The following KIFBP variants were observed in gnomAD, a reference collection of about 807,000 sequenced individuals.
KIFBP encodes kinesin family binding protein, also known as KIF-binding protein.
In KIFBP, 46 loss-of-function variants were observed where a neutral mutation model predicts 58.9. The observed-to-expected ratio is 0.78, with a 90% CI of 0.62 to 1.00. The LOEUF (loss-of-function observed/expected upper bound fraction) is 1.00, where lower values mean the gene tolerates loss of function less well. KIFBP is among the 50% of genes least tolerant of loss of function. The pLI, the probability that KIFBP is intolerant of heterozygous loss-of-function variation, is 0.00. For synonymous variants in KIFBP, 241 were observed against 283.4 expected (o/e 0.85, Z 1.50); for missense variants, 651 against 752.9 (o/e 0.86, Z 1.58).
intron 4 of KIFBP, among the ~76,000 whole-genome samples, 181 bp from the exon 5 acceptor site, chr10:69,008,660 C>T (rs1037115371): frequency 6.6e-6 from 1 of 151,868 alleles, no homozygotes; most frequent in Non-Finnish European, 1.5e-5. Context: ...TACATTTTAA[C>T]CAGATAATAT....
intron 1 of KIFBP, among the ~76,000 whole-genome samples, chr10:68,992,795 C>T (rs1843363932): frequency 6.6e-6 from 1 of 151,970 alleles, no homozygotes; most frequent in Non-Finnish European, 1.5e-5. Flanking sequence ...CTCTGATGGT[C>T]TCTTTTTGTT....
At chr10:69,014,031 G>T (rs996276082) in intron 6 of KIFBP, among the ~76,000 whole-genome samples, 2 of 152,170 alleles carry the variant, frequency 1.3e-5, no homozygotes, top group African/African-American at 4.8e-5. Context: ...GATTACAGGT[G>T]TGAGCCACTG....
intron 4 of KIFBP, among the ~76,000 whole-genome samples, chr10:69,008,564 A>C (rs1262362354): frequency 6.6e-6 from 1 of 151,238 alleles, no homozygotes; most frequent in African/African-American, 2.4e-5. Flanking sequence ...GTATAAGGAG[A>C]GCTAACTTTC....
chr10:69,015,868 A>G lies in KIFBP; in HGVS notation c.1318A>G (p.Met440Val), dbSNP rs1402651253. Residue 440 changes from methionine (M) to valine (V), a missense_variant, in exon 7 of 7, where the codon ATG (methionine) becomes GTG (valine). Physicochemically the swap from Met to Val is conservative, Grantham distance 21. Transcript: ENST00000361983. ...FKVLAFFETD[M>V]ERRCKMHKRR... is the part of the protein sequence containing the mutation. ...GGTGCTTGCATTCTTTGAAACTGAC[A>G]TGGAGAGACGGTGCAAGATGCATAA... 3.1e-6 allele frequency: 5 copies of G among 1,614,194 alleles called. No homozygotes were observed. The South Asian group carries it at 3.3e-5, about 11-fold the overall frequency.
At chr10:69,007,896 A>C (rs1843551091) in intron 4 of KIFBP, 1 of 152,174 alleles carries the variant, frequency 6.6e-6, no homozygotes, top group Non-Finnish European at 1.5e-5. Context: ...GATCTTCTCT[A>C]ATTGTTTGAG....
intron 1 of KIFBP, among the ~76,000 whole-genome samples, chr10:68,996,696 T>TA (rs1221566246): frequency 6.7e-6 from 1 of 150,150 alleles, no homozygotes; most frequent in Non-Finnish European, 1.5e-5. Context: ...CTATTAAAAA[T>TA]ACAAAAATTA....
chr10:69,014,822 CTGATA>C (rs947878958), intron 6 of KIFBP, among the ~76,000 whole-genome samples: 1 of 151,052 alleles, frequency 6.6e-6, no homozygotes, highest in African/African-American at 2.4e-5. Flanking sequence ...GCATTTCTGT[CTGATA>C]TATTTCACTA....
chr10:69,008,391 A>AAAATATATATATATATATATATATATAT, intron 4 of KIFBP, among the ~76,000 whole-genome samples: 1 of 71,588 alleles, frequency 1.4e-5, no homozygotes, highest in Admixed American at 1.8e-4. Context: ...AAAAAAAAAA[A>AAAATATATATATATATATATATATATAT]ATATATATAT....
chr10:68,993,415 C>G (rs1198487091), intron 1 of KIFBP, among the ~76,000 whole-genome samples: 1 of 152,140 alleles, frequency 6.6e-6, no homozygotes, highest in East Asian at 1.9e-4. Flanking sequence ...TTGCCCCTCA[C>G]TAATTGTTCA....
intron 1 of KIFBP, among the ~76,000 whole-genome samples, chr10:68,992,765 G>T (rs1019868298): frequency 6.6e-6 from 1 of 152,182 alleles, no homozygotes; most frequent in African/African-American, 2.4e-5. Context: ...GCATAGATGA[G>T]TTATGAGGGC....
chr10:69,009,041 C>T, intron 5 of KIFBP, 116 bp downstream of exon 5: 1 of 761,908 alleles, frequency 1.3e-6, no homozygotes, highest in Non-Finnish European at 2.3e-6. Flanking sequence ...CTTCTAAATG[C>T]ACCAATTTTT....
intron 1 of KIFBP, among the ~76,000 whole-genome samples, chr10:68,994,938 A>G (rs1843389738): frequency 6.6e-6 from 1 of 151,612 alleles, no homozygotes; most frequent in African/African-American, 2.4e-5. Context: ...GGGTCTTACT[A>G]TGTTGCCTAG....
intron 1 of KIFBP, among the ~76,000 whole-genome samples, chr10:68,996,611 G>C (rs1422175445): frequency 6.6e-6 from 1 of 151,676 alleles, no homozygotes; most frequent in African/African-American, 2.4e-5. Flanking sequence ...CCAGCACTTT[G>C]GGAGGCTGAG....
At chr10:69,014,930 G>A (rs1270663796) in intron 6 of KIFBP, among the ~76,000 whole-genome samples, 2 of 151,892 alleles carry the variant, frequency 1.3e-5, no homozygotes, top group African/African-American at 4.8e-5. Context: ...TTGTTTGTTT[G>A]TTTGTTTCTT....
At chr10:69,011,513 C>T (rs966284318) in intron 6 of KIFBP, among the ~76,000 whole-genome samples, 1 of 150,736 alleles carries the variant, frequency 6.6e-6, no homozygotes, top group Admixed American at 6.7e-5. Context: ...CCCACCTCAT[C>T]CTTGGAGTAC....
chr10:69,002,540 C>G (rs1484652299), intron 2 of KIFBP, among the ~76,000 whole-genome samples: 6 of 152,000 alleles, frequency 3.9e-5, no homozygotes, highest in Non-Finnish European at 8.8e-5. Context: ...ATTAGTCTAC[C>G]CTTTCTTGCT....
At chr10:69,015,294 C>T in intron 6 of KIFBP, 2 of 437,746 alleles carry the variant, frequency 4.6e-6, no homozygotes, top group Non-Finnish European at 8.1e-6. Flanking sequence ...ATTTCAGTTC[C>T]TCAGAATAAA....
At chr10:69,013,963 C>T (rs1843618792) in intron 6 of KIFBP, among the ~76,000 whole-genome samples, 1 of 152,102 alleles carries the variant, frequency 6.6e-6, no homozygotes, top group African/African-American at 2.4e-5. Context: ...GTTGCCCAGG[C>T]TGGTCTTGAA....
Position 69,016,514 on chromosome 10 carries a change from G to A in KIFBP, c.*98G>A. 8.1e-7 allele frequency: 1 copy of A among 1,237,280 alleles called. No homozygotes were observed. Among genetic ancestry groups the A allele is most frequent in the Non-Finnish European group, 1.2e-6 (1 of 856,950 alleles). 76.6% of individuals were successfully genotyped at this position (1,237,280 alleles called of 1,614,324 possible). On this transcript the variant is annotated 3_prime_UTR_variant, in exon 7 of 7. Coordinates refer to ENST00000361983, the MANE Select transcript of KIFBP (RefSeq NM_015634.4). ...ATTGTGATGTTTACCTTTATAGCCAGGTGAGTGCAGTTTGAACTTGAGATA... is the reference window on the plus strand; with the variant it reads ...ATTGTGATGTTTACCTTTATAGCCAAGTGAGTGCAGTTTGAACTTGAGATA...
Sources: gnomAD v4.1 joint callset for allele counts (sites outside exome capture counted in the v4.1 genomes callset) on GRCh38, gnomAD v4.1.1 for gene constraint, MANE v1.5 for transcripts, NCBI Gene and HGNC (gene_info 2026-07-23, HGNC 2026-07-21) for gene names.